KDM4B: variants seen among roughly 807,000 people sequenced by gnomAD.
KDM4B encodes lysine-specific demethylase 4B.
A neutral mutation model predicts 125.2 loss-of-function variants in KDM4B; 32 were observed. The observed-to-expected ratio is 0.26, with a 90% CI of 0.19 to 0.34. KDM4B has a LOEUF of 0.34. Among genes scored for constraint, KDM4B ranks in the 10% least tolerant of loss-of-function variants. The probability of loss-of-function intolerance (pLI) is 1.00; values close to 1 mark genes in which losing one functional copy is unlikely to be tolerated. For missense variants in KDM4B, 1,190 were observed against 1,577.7 expected (o/e 0.75, Z 4.16); for synonymous variants, 721 against 677.9 (o/e 1.06, Z -0.99).
Position 4,971,287 on chromosome 19 carries a change from C to T in KDM4B, c.-109+2057C>T, listed in dbSNP as rs1417711869. ...TTTCTGTCTCGTGGAAGAGACCCTT[C>T]CTCAGCCTCCTGCCCTGTCTTCAGT... On this transcript the variant is annotated intron_variant, in intron 1 of 22. Coordinates refer to ENST00000159111, the MANE Select transcript of KDM4B (RefSeq NM_015015.3). This position sits in a 1 kb window ranked among gnomAD's most constrained non-coding sequence, Gnocchi z 4.1. 6.6e-6 allele frequency among the ~76,000 whole-genome samples: 1 copy of T among 152,174 alleles called. No individual in the cohort carries two copies. Among genetic ancestry groups the T allele is most frequent in the Non-Finnish European group, 1.5e-5 (1 of 68,014 alleles).
intron 1 of KDM4B, among the ~76,000 whole-genome samples, chr19:5,015,090 C>T (rs1197046243): frequency 6.6e-6 from 1 of 151,936 alleles, no homozygotes; most frequent in African/African-American, 2.4e-5. Flanking sequence ...TAGAGTGCTT[C>T]TGAAGTGAGA....
intron 2 of KDM4B, among the ~76,000 whole-genome samples, chr19:5,028,817 T>C (rs1426515356): frequency 1.3e-5 from 2 of 152,252 alleles, no homozygotes; most frequent in African/African-American, 4.8e-5. Flanking sequence ...TGCATTTCCC[T>C]GGTGCTGAGT....
At chr19:5,129,356 C>A (rs2039504293) in intron 11 of KDM4B, among the ~76,000 whole-genome samples, 1 of 152,080 alleles carries the variant, frequency 6.6e-6, no homozygotes, top group Non-Finnish European at 1.5e-5. Context: ...TAAGTGTCAC[C>A]CTCGGCCCTT....
intron 11 of KDM4B, among the ~76,000 whole-genome samples, chr19:5,125,277 C>T (rs962331098): frequency 1.3e-5 from 2 of 152,194 alleles, no homozygotes; most frequent in African/African-American, 4.8e-5. Flanking sequence ...CCGGCGTTAC[C>T]TGCTCTCACT....
At chr19:4,981,553 C>T (rs115867392) in intron 1 of KDM4B, among the ~76,000 whole-genome samples, 2,352 of 152,238 alleles carry the variant, frequency 0.015, 54 homozygotes, top group African/African-American at 0.053. Flanking sequence ...CCCCTGGGGC[C>T]CAGCAGCCTC....
intron 10 of KDM4B, chr19:5,111,998 A>G: frequency 1.7e-6 from 1 of 597,610 alleles, no homozygotes; most frequent in Non-Finnish European, 3.0e-6. Context: ...TCACACCTGT[A>G]ATCTCTGCAC....
chr19:4,978,087 C>T (rs939997333), intron 1 of KDM4B, among the ~76,000 whole-genome samples: 5 of 152,152 alleles, frequency 3.3e-5, no homozygotes, highest in African/African-American at 1.2e-4. Flanking sequence ...AGAAGATTGC[C>T]GTCCCTAGCA....
chr19:5,032,184 C>T (rs2036480170), intron 2 of KDM4B, among the ~76,000 whole-genome samples: 1 of 152,238 alleles, frequency 6.6e-6, no homozygotes, highest in Non-Finnish European at 1.5e-5. Flanking sequence ...CCGATGTTTC[C>T]AGGCGGGTGC....
intron 9 of KDM4B, among the ~76,000 whole-genome samples, chr19:5,084,568 TTA>T (rs202096862): frequency 2.8e-5 from 4 of 140,432 alleles, no homozygotes; most frequent in East Asian, 4.0e-4. Context: ...ATTATATAAA[TTA>T]TATGTATTAT....
At chr19:5,090,913 G>A (rs2038687530) in intron 9 of KDM4B, among the ~76,000 whole-genome samples, 1 of 151,964 alleles carries the variant, frequency 6.6e-6, no homozygotes, top group Non-Finnish European at 1.5e-5. Context: ...CGTGTCCTGT[G>A]CACAGCCCGG....
intron 6 of KDM4B, among the ~76,000 whole-genome samples, chr19:5,057,461 T>A (rs764074453): frequency 6.6e-6 from 1 of 152,242 alleles, no homozygotes; most frequent in African/African-American, 2.4e-5. Flanking sequence ...TTGGGCTGTT[T>A]CCAGCATGAG....
At chr19:5,111,393 G>A (rs748348720) in intron 10 of KDM4B, 26 of 765,232 alleles carry the variant, frequency 3.4e-5, no homozygotes, top group South Asian at 3.2e-4. Flanking sequence ...CCTGCGTATC[G>A]CCGCACAGAC....
intron 11 of KDM4B, among the ~76,000 whole-genome samples, chr19:5,124,090 C>T (rs557713590): frequency 7.9e-5 from 12 of 152,128 alleles, no homozygotes; most frequent in African/African-American, 2.4e-4. Context: ...CGAGTCAGAA[C>T]GTGCTGGGGG....
chr19:5,118,730 T>C (rs1005337039), intron 10 of KDM4B, among the ~76,000 whole-genome samples: 1 of 152,146 alleles, frequency 6.6e-6, no homozygotes, highest in Non-Finnish European at 1.5e-5. Flanking sequence ...TCAGCCCCTC[T>C]CTCTCATTTC....
In KDM4B at chr19:5,013,145, G is replaced by A. The variant is rs557700521; in HGVS notation, c.-108-3112G>A. ...AAGGACCCGTGGTCTTGGTAGCACC[G>A]GGCTGAGGTCTGTCCAGCTGAGAGC... is the stretch of plus-strand genomic sequence containing the variant. On this transcript the variant is annotated intron_variant, in intron 1 of 22. Coordinates refer to ENST00000159111, the MANE Select transcript of KDM4B (RefSeq NM_015015.3). 2.5e-3 allele frequency among the ~76,000 whole-genome samples: 382 copies of A among 152,332 alleles called. 6 individuals are homozygous for A. The highest frequency in any genetic ancestry group is 2.5e-3 in the Non-Finnish European group (173 of 68,030).
rs776413964 is a variant in KDM4B at position 5,039,910 on chromosome 19, C to A, written c.216C>A (p.Ile72=). The A allele has an allele frequency of 1.2e-6, 2 of 1,613,050 alleles. No individual in the cohort carries two copies. The highest frequency in any genetic ancestry group is 2.2e-5 in the East Asian group (1 of 44,886). Residue 72 remains isoleucine (I), a synonymous_variant, in exon 4 of 23, where the codon ATC becomes ATA. Transcript: ENST00000159111. The stretch of plus-strand genomic sequence containing the variant: ...ACGACGTGGTGATCCCGGCGCCCAT[C>A]CAGCAGGTGGTGACGGGCCAGTCGG... ...DIDDVVIPAP[I]QQVVTGQSGL...
intron 21 of KDM4B, among the ~76,000 whole-genome samples, chr19:5,145,210 C>T (rs992399213): frequency 2.6e-5 from 4 of 151,372 alleles, no homozygotes; most frequent in African/African-American, 9.7e-5. Context: ...CAGCTCAGTA[C>T]CCCTGGGTTT....
At chr19:5,055,384 T>C (rs1398491824) in intron 6 of KDM4B, among the ~76,000 whole-genome samples, 1 of 152,254 alleles carries the variant, frequency 6.6e-6, no homozygotes, top group Non-Finnish European at 1.5e-5. Context: ...GCAATTTTCA[T>C]ATCGCCTTTT....
intron 6 of KDM4B, among the ~76,000 whole-genome samples, chr19:5,066,519 G>A (rs1338398658): frequency 2.0e-5 from 3 of 152,198 alleles, no homozygotes; most frequent in Non-Finnish European, 2.9e-5. Flanking sequence ...CACGTGTCTT[G>A]TGTCCCCAAC....
Sources: allele counts gnomAD v4.1 joint callset (sites outside exome capture counted in the v4.1 genomes callset), GRCh38; gene constraint gnomAD v4.1.1; non-coding constraint Gnocchi (gnomAD v3.1); transcripts MANE v1.5; gene names NCBI Gene and HGNC (gene_info 2026-07-23, HGNC 2026-07-21).